PSG1: variants seen among roughly 807,000 people sequenced by gnomAD.
The protein encoded by PSG1 is pregnancy specific beta-1-glycoprotein 1.
Under a neutral mutation model 41.4 loss-of-function variants are expected in PSG1, and 60 were observed. The ratio of observed to expected loss-of-function variants is 1.45; its 90% CI spans 1.18 to 1.80. The LOEUF (loss-of-function observed/expected upper bound fraction) is 1.80, where lower values mean the gene tolerates loss of function less well. PSG1 is among the 40% of genes most tolerant of loss of function. The pLI is 0.00. For missense variants in PSG1, 806 were observed against 516.9 expected (o/e 1.56, Z -5.42); for synonymous variants, 256 against 192.9 (o/e 1.33, Z -2.71).
rs1064481 is a variant in PSG1 at position 42,877,964 on chromosome 19, C to G, written c.379G>C (p.Gly127Arg). 198 of 1,612,360 alleles carry G rather than the reference C, an allele frequency of 1.2e-4. 3 individuals are homozygous for G. Among genetic ancestry groups the G allele is most frequent in the Middle Eastern group, 1.2e-3 (7 of 6,056 alleles). ...AGSYTLHIIK[G>R]DDGTRGVTGR... ...GTTACTCCTCTAGTCCCATCATCTCCCTTTATGATGTGTAAGGTGTAGGAT... is the reference window on the plus strand; with the variant it reads ...GTTACTCCTCTAGTCCCATCATCTCGCTTTATGATGTGTAAGGTGTAGGAT... The change falls in exon 2 of 6, where the codon GGA (glycine) becomes CGA (arginine). Residue 127 changes from glycine to arginine, a missense_variant. Transcript: ENST00000436291.
intron 2 of PSG1, among the ~76,000 whole-genome samples, chr19:42,875,326 T>A (rs1476814691): frequency 1.3e-5 from 2 of 151,746 alleles, no homozygotes; most frequent in African/African-American, 4.8e-5. Flanking sequence ...ACCATGAGAT[T>A]AAGATTATAG....
At chr19:42,879,051 C>T (rs965173274) in intron 1 of PSG1, among the ~76,000 whole-genome samples, 1 of 151,656 alleles carries the variant, frequency 6.6e-6, no homozygotes, top group African/African-American at 2.4e-5. Flanking sequence ...CTACCTCTTA[C>T]CAATTCCGGT....
At chr19:42,873,097 G>A (rs577932896) in intron 2 of PSG1, among the ~76,000 whole-genome samples, 2 of 151,732 alleles carry the variant, frequency 1.3e-5, no homozygotes, top group African/African-American at 4.8e-5. Flanking sequence ...CAGGGGAATA[G>A]GGTGTTGTTC....
chr19:42,873,977 A>G (rs1462757543), intron 2 of PSG1: 1 of 151,530 alleles, frequency 6.6e-6, no homozygotes, highest in Non-Finnish European at 1.5e-5. Flanking sequence ...GTCTCCCCAC[A>G]CGAAGATCTC....
chr19:42,873,143 G>T (rs1240347201), intron 2 of PSG1, among the ~76,000 whole-genome samples: 1 of 151,544 alleles, frequency 6.6e-6, no homozygotes, highest in African/African-American at 2.4e-5. Context: ...AGGAAGAGGA[G>T]GTTCTAGAGA....
chr19:42,874,641 G>A (rs1489266092), intron 2 of PSG1, among the ~76,000 whole-genome samples: 3 of 151,758 alleles, frequency 2.0e-5, no homozygotes, highest in Non-Finnish European at 2.9e-5. Flanking sequence ...GTGCGCAGCC[G>A]TCTCTGAGGG....
Position 42,877,895 on chromosome 19 carries a change from T to C in PSG1, c.430+18A>G. On this transcript the variant is annotated intron_variant, in intron 2 of 5. Coordinates refer to ENST00000436291, the MANE Select transcript of PSG1 (RefSeq NM_001184825.2). Reference sequence around the variant, plus strand: ...ACCCCTGTCCCCCAACACCCAGGGATCATGTGGAATCACTTACGGTGTAAG... The same window carrying C: ...ACCCCTGTCCCCCAACACCCAGGGACCATGTGGAATCACTTACGGTGTAAG... The C allele has an allele frequency of 3.7e-6, 6 of 1,611,920 alleles. No individual in the cohort carries two copies. The highest frequency in any genetic ancestry group is 5.1e-6 in the Non-Finnish European group (6 of 1,178,844).
At position 42,868,833 on chromosome 19, in the gene PSG1, T is replaced by A. The variant is rs776609116; in HGVS notation, c.911A>T (p.Glu304Val). ...TATTTCACATTGATAGGGTCCTGTT[T>A]CATTTCTCGTGACACTGGGTAGAAT... ...ILILPSVTRN[E>V]TGPYQCEIRD... Residue 304 changes from glutamate (E) to valine (V), a missense_variant, in exon 4 of 6, where the codon GAA becomes GTA. Transcript: ENST00000436291. 15 of 1,611,564 alleles carry A rather than the reference T, an allele frequency of 9.3e-6. 1 individual carries two copies. Among genetic ancestry groups the A allele is most frequent in the Admixed American group, 3.3e-5 (2 of 59,850 alleles).
rs560276222 is a variant in PSG1, at chr19:42,871,632, A to C, written c.709+135T>G. The C allele has an allele frequency of 2.5e-6, 4 of 1,601,066 alleles. No homozygotes were observed. The East Asian group carries it at 8.9e-5, about 36-fold the overall frequency. ...AGGTCTACTCTGGTTTGCCTGGGGCACAAAGTCATGGCCAGGTTTGATGTC... is the reference window on the plus strand; with the variant it reads ...AGGTCTACTCTGGTTTGCCTGGGGCCCAAAGTCATGGCCAGGTTTGATGTC... On this transcript the variant is annotated intron_variant, in intron 3 of 5. Coordinates refer to ENST00000436291, the MANE Select transcript of PSG1 (RefSeq NM_001184825.2).
rs532183061 is a variant in PSG1 at position 42,878,429 on chromosome 19, A to G, written c.65-151T>C. 7.2e-4 allele frequency: 924 copies of G among 1,284,394 alleles called. 26 individuals are homozygous for G. In the African/African-American group the frequency reaches 0.014, roughly 20 times the overall value. The allele number at this position is 1,284,394 out of a possible 1,614,324, so 79.6% of individuals were successfully genotyped here. On this transcript the variant is annotated intron_variant, in intron 1 of 5. Transcript: ENST00000436291. Reference sequence around the variant, plus strand: ...CAAACACACACACACACACACACACAAAAGCGGCATGTGTGATTGTGTGTG... The same window carrying G: ...CAAACACACACACACACACACACACGAAAGCGGCATGTGTGATTGTGTGTG...
Position 42,871,796 on chromosome 19 carries a change from C to A in PSG1, c.680G>T (p.Arg227Leu). The A allele has an allele frequency of 1.9e-6, 3 of 1,612,562 alleles. No individual in the cohort carries two copies. The highest frequency in any genetic ancestry group is 1.7e-4 in the Middle Eastern group (1 of 6,060). The stretch of plus-strand genomic sequence containing the variant: ...GAGATTCAGGGTGACTGGGTCACTG[C>A]GGCTGGCACTCACTGGGTTCCGTAT... Reference protein sequence around the residue: ...CEIRNPVSASRSDPVTLNLLP... With the variant: ...CEIRNPVSASLSDPVTLNLLP... The change falls in exon 3 of 6, where the codon CGC (arginine) becomes CTC (leucine). Residue 227 changes from arginine (R) to leucine (L), a missense_variant. By Grantham distance (102) the Arg-to-Leu change is moderately radical. Coordinates refer to ENST00000436291, the MANE Select transcript of PSG1 (RefSeq NM_001184825.2).
chr19:42,867,487 C>T (rs1971180189), intron 5 of PSG1: 2 of 583,294 alleles, frequency 3.4e-6, no homozygotes, highest in South Asian at 2.3e-5. Flanking sequence ...CAGACTTTGC[C>T]TGCAGTTCAT....
intron 2 of PSG1, among the ~76,000 whole-genome samples, chr19:42,875,353 G>T (rs1343060599): frequency 6.6e-6 from 1 of 151,794 alleles, no homozygotes; most frequent in South Asian, 2.1e-4. Flanking sequence ...ACTGAATTTT[G>T]CTAAAATGTA....
chr19:42,879,209 G>A (rs989412402), intron 1 of PSG1, among the ~76,000 whole-genome samples: 11 of 149,532 alleles, frequency 7.4e-5, no homozygotes, highest in South Asian at 2.2e-4. Flanking sequence ...CTGGCATGCG[G>A]TGGTGCTATC....
In PSG1 at chr19:42,868,173, GC is replaced by G. The variant is rs1474609487; in HGVS notation, c.1170del (p.Leu391SerfsTer19). The G allele has an allele frequency of 6.2e-7, 1 of 1,612,282 alleles. No homozygotes were observed. Among genetic ancestry groups the G allele is most frequent in the Non-Finnish European group, 8.5e-7 (1 of 1,179,102 alleles). ...GAGTTACGAACAGAGCAAACATAGA[GC>G]CCGCTATGCTTTGTAGTAATATGGC... ...FIRHITTKHS[G>X]LYVCSVRNSA... On this transcript the variant is annotated frameshift_variant, in exon 5 of 6. Coordinates refer to ENST00000436291, the MANE Select transcript of PSG1 (RefSeq NM_001184825.2). LOFTEE classifies it high-confidence loss of function.
In PSG1 at chr19:42,876,702, C is replaced by G. The variant is rs180697773; in HGVS notation, c.430+1211G>C. ...CAGGTTCAGTGATGGTGGTTAAGAT[C>G]TGAGGAGGAGGCCTGGACATTTTTT... On this transcript the variant is annotated intron_variant, in intron 2 of 5. Coordinates refer to ENST00000436291, the MANE Select transcript of PSG1 (RefSeq NM_001184825.2). 69 of 178,438 alleles carry G rather than the reference C, an allele frequency of 3.9e-4. 1 individual carries two copies. The highest frequency in any genetic ancestry group is 1.1e-3 in the East Asian group (7 of 6,224). 11.1% of individuals were successfully genotyped at this position (178,438 alleles called of 1,614,324 possible).
In PSG1 at chr19:42,878,298, T is replaced by C; in HGVS notation, c.65-20A>G. The C allele has an allele frequency of 6.3e-7, 1 of 1,593,004 alleles. No individual in the cohort carries two copies. Among genetic ancestry groups the C allele is most frequent in the Admixed American group, 1.7e-5 (1 of 58,478 alleles). Reference sequence around the variant, plus strand: ...GTGATGCTAGGAGGTGGAGAGAACATCAGTCAATATTGAGACCTATGTATT... The same window carrying C: ...GTGATGCTAGGAGGTGGAGAGAACACCAGTCAATATTGAGACCTATGTATT... On this transcript the variant is annotated intron_variant, in intron 1 of 5. Coordinates refer to ENST00000436291, the MANE Select transcript of PSG1 (RefSeq NM_001184825.2).
chr19:42,877,076 TCA>T (rs1313999827), intron 2 of PSG1, among the ~76,000 whole-genome samples: 2 of 151,722 alleles, frequency 1.3e-5, no homozygotes, highest in African/African-American at 4.8e-5. Context: ...GTTAAATTAT[TCA>T]CAGTCACCTG....
At chr19:42,874,420 C>T (rs948924456) in intron 2 of PSG1, among the ~76,000 whole-genome samples, 3 of 151,504 alleles carry the variant, frequency 2.0e-5, no homozygotes, top group Non-Finnish European at 2.9e-5. Flanking sequence ...GATCTCAGCT[C>T]ACTGCAAGCT....
Sources: gnomAD v4.1 joint callset for allele counts (sites outside exome capture counted in the v4.1 genomes callset) on GRCh38, gnomAD v4.1.1 for gene constraint, MANE v1.5 for transcripts, NCBI Gene and HGNC (gene_info 2026-07-23, HGNC 2026-07-21) for gene names.